ITGB6: variants seen among roughly 807,000 people sequenced by gnomAD.
ITGB6 encodes the protein integrin beta-6.
Under a neutral mutation model 84.5 loss-of-function variants are expected in ITGB6, and 80 were observed. The observed-to-expected ratio is 0.95, with a 90% CI of 0.79 to 1.14. The LOEUF (loss-of-function observed/expected upper bound fraction) is 1.14, where lower values mean the gene tolerates loss of function less well. Ranked by LOEUF, ITGB6 falls within the 50% of genes most tolerant of loss-of-function variation. The pLI, the probability that ITGB6 is intolerant of heterozygous loss-of-function variation, is 0.00. For synonymous variants in ITGB6, 383 were observed against 354.9 expected (o/e 1.08, Z -0.89); for missense variants, 1,006 against 968.0 (o/e 1.04, Z -0.52).
At chr2:160,150,330 A>T (rs1456173896) in intron 7 of ITGB6, among the ~76,000 whole-genome samples, 1 of 152,218 alleles carries the variant, frequency 6.6e-6, no homozygotes, top group Non-Finnish European at 1.5e-5. Flanking sequence ...AGAATTTTCA[A>T]CCCAAAATTT....
chr2:160,166,427 T>C, intron 7 of ITGB6, among the ~76,000 whole-genome samples: 1 of 152,234 alleles, frequency 6.6e-6, no homozygotes, highest in East Asian at 1.9e-4. Flanking sequence ...CCACAGTGAT[T>C]AATAATATGA....
At chr2:160,142,299 C>T (rs1333649967) in intron 7 of ITGB6, among the ~76,000 whole-genome samples, 2 of 152,102 alleles carry the variant, frequency 1.3e-5, no homozygotes, top group African/African-American at 4.8e-5. Flanking sequence ...AATCTAGGGT[C>T]TGTGGTTGCC....
Position 160,140,202 on chromosome 2 carries a change from T to C in ITGB6, c.1107+1780A>G, listed in dbSNP as rs375426295. ...TAGTGCCAGGATCTATTACAGACTT[T>C]GCCCTGTGAATCATAAAGCTCCAAT... is the stretch of plus-strand genomic sequence containing the variant. On this transcript the variant is annotated intron_variant, in intron 8 of 14. Transcript: ENST00000283249. Among the ~76,000 whole-genome samples, 97 of 152,352 alleles carry C rather than the reference T, an allele frequency of 6.4e-4. No homozygotes were observed. In the South Asian group the frequency reaches 0.01, roughly 16 times the overall value.
chr2:160,121,541 T>C (rs956117471), intron 12 of ITGB6, among the ~76,000 whole-genome samples: 3 of 152,112 alleles, frequency 2.0e-5, no homozygotes, highest in African/African-American at 7.2e-5. Context: ...TCCCAGCAAT[T>C]TGGGAGGCTG....
intron 7 of ITGB6, among the ~76,000 whole-genome samples, chr2:160,154,444 G>T (rs914124065): frequency 4.0e-5 from 6 of 151,412 alleles, no homozygotes; most frequent in Admixed American, 2.0e-4. Context: ...GGGGTGGGGG[G>T]CTGGGGGAGG....
Position 160,174,118 on chromosome 2 carries a change from T to G in ITGB6, c.615A>C (p.Leu205Phe). ...NPCSSIPYFC[L>F]PTFGFKHILP... ...AAATGTGCTTGAATCCAAATGTAGG[T>G]AAACAGAAGTATGGAATACTACTGC... Residue 205 changes from leucine to phenylalanine, a missense_variant, in exon 5 of 15, where the codon TTA becomes TTC. Leu to Phe is a conservative substitution (Grantham distance 22, BLOSUM62 0). Coordinates refer to ENST00000283249, the MANE Select transcript of ITGB6 (RefSeq NM_000888.5). 1.9e-6 allele frequency: 3 copies of G among 1,608,752 alleles called. No homozygotes were observed.
intron 7 of ITGB6, among the ~76,000 whole-genome samples, chr2:160,164,485 A>G (rs1684929888): frequency 6.6e-6 from 1 of 152,130 alleles, no homozygotes; most frequent in Non-Finnish European, 1.5e-5. Flanking sequence ...TGAGGCCAGG[A>G]GTTTGAGATC....
intron 12 of ITGB6, among the ~76,000 whole-genome samples, chr2:160,115,948 G>T (rs1682745746): frequency 6.7e-6 from 1 of 149,102 alleles, no homozygotes; most frequent in African/African-American, 2.5e-5. Context: ...GAAGTGAGAA[G>T]GGAAGTTTAG....
intron 14 of ITGB6, among the ~76,000 whole-genome samples, chr2:160,105,076 T>C (rs983274204): frequency 2.6e-5 from 4 of 152,206 alleles, no homozygotes; most frequent in African/African-American, 7.2e-5. Context: ...GTGAGCGACA[T>C]TTTTTTCCAG....
At chr2:160,137,317 C>G (rs555442260) in intron 10 of ITGB6, 117 bp downstream of exon 10, 502 of 945,334 alleles carry the variant, frequency 5.3e-4, no homozygotes, top group Non-Finnish European at 7.0e-4. Flanking sequence ...TAAGGCTGAT[C>G]AGCAAATATT....
intron 7 of ITGB6, among the ~76,000 whole-genome samples, chr2:160,151,581 G>T (rs1684418053): frequency 6.6e-6 from 1 of 151,768 alleles, no homozygotes; most frequent in Non-Finnish European, 1.5e-5. Flanking sequence ...AAGAAGACAA[G>T]AAATAACTAA....
chr2:160,120,906 C>T (rs924800802), intron 12 of ITGB6, among the ~76,000 whole-genome samples: 5 of 109,664 alleles, frequency 4.6e-5, no homozygotes, highest in South Asian at 3.5e-4. Context: ...CTTCAGGGAC[C>T]GTTGTGGGAT....
chr2:160,159,871 A>C lies in ITGB6; in HGVS notation c.1017+9341T>G, dbSNP rs1038661025. Among the ~76,000 whole-genome samples, 6 of 152,122 alleles carry C rather than the reference A, an allele frequency of 3.9e-5. No homozygotes were observed. The East Asian group carries it at 1.2e-3, about 29-fold the overall frequency. ...TTCGATAACACTATTAAAAGTTGTA[A>C]TTGGTTGTTTTTTCATTAATTGTTT... On this transcript the variant is annotated intron_variant, in intron 7 of 14. Transcript: ENST00000283249.
intron 2 of ITGB6, 134 bp from the exon 3 acceptor site, chr2:160,196,554 C>G: frequency 1.5e-6 from 1 of 685,892 alleles, no homozygotes; most frequent in East Asian, 2.7e-5. Context: ...CCCTACATGA[C>G]TAACATTGAT....
Position 160,164,886 on chromosome 2 carries a change from A to C in ITGB6, c.1017+4326T>G, listed in dbSNP as rs111274431. On this transcript the variant is annotated intron_variant, in intron 7 of 14. Coordinates refer to ENST00000283249, the MANE Select transcript of ITGB6 (RefSeq NM_000888.5). Reference sequence around the variant, plus strand: ...TAACTGATGATTTTTCATGGTTAGGATTGGAAAATACTCCCAACAACTCTG... The same window carrying C: ...TAACTGATGATTTTTCATGGTTAGGCTTGGAAAATACTCCCAACAACTCTG... Among the ~76,000 whole-genome samples the C allele has an allele frequency of 8.0e-3, 1,216 of 152,198 alleles. 20 individuals are homozygous for C. Among genetic ancestry groups the C allele is most frequent in the African/African-American group, 0.028 (1,172 of 41,522 alleles).
intron 4 of ITGB6, among the ~76,000 whole-genome samples, chr2:160,185,100 A>G (rs1685841836): frequency 6.6e-6 from 1 of 152,190 alleles, no homozygotes; most frequent in African/African-American, 2.4e-5. Flanking sequence ...CACTACTCCT[A>G]TTCAACATGG....
chr2:160,149,678 G>A (rs559760496), intron 7 of ITGB6, among the ~76,000 whole-genome samples: 28 of 152,200 alleles, frequency 1.8e-4, no homozygotes, highest in African/African-American at 6.3e-4. Context: ...GAGGATGTTC[G>A]AACCCCTTGC....
At chr2:160,142,582 G>A (rs1279197494) in intron 7 of ITGB6, among the ~76,000 whole-genome samples, 1 of 152,198 alleles carries the variant, frequency 6.6e-6, no homozygotes, top group African/African-American at 2.4e-5. Flanking sequence ...TGCTTGCACT[G>A]AGCTCTCCCT....
intron 7 of ITGB6, among the ~76,000 whole-genome samples, chr2:160,147,396 A>T (rs764603260): frequency 6.6e-6 from 1 of 152,204 alleles, no homozygotes; most frequent in Non-Finnish European, 1.5e-5. Flanking sequence ...AATAAATAAG[A>T]CTTAAAATTA....
Sources: gnomAD v4.1 joint callset for allele counts (sites outside exome capture counted in the v4.1 genomes callset) on GRCh38, gnomAD v4.1.1 for gene constraint, MANE v1.5 for transcripts, NCBI Gene and HGNC (gene_info 2026-07-23, HGNC 2026-07-21) for gene names.